SGCZ: variants seen among roughly 807,000 people sequenced by gnomAD.
The protein encoded by SGCZ is zeta-sarcoglycan.
In SGCZ, 40 loss-of-function variants were observed where a neutral mutation model predicts 41.3. The ratio of observed to expected loss-of-function variants is 0.97; its 90% CI spans 0.75 to 1.26. SGCZ has a LOEUF of 1.26. SGCZ is among the 50% of genes most tolerant of loss of function. SGCZ has a pLI of 0.00. For missense variants in SGCZ, 552 were observed against 369.8 expected, an observed-to-expected ratio of 1.49 and a Z score of -4.04; for synonymous variants, 206 against 137.5, an observed-to-expected ratio of 1.50 and a Z score of -3.49.
intron 2 of SGCZ, among the ~76,000 whole-genome samples, chr8:14,467,844 G>C (rs60987655): frequency 0.08 from 12,216 of 152,026 alleles, 540 homozygotes; most frequent in Non-Finnish European, 0.11. Flanking sequence ...TCTTAAATCA[G>C]ATCCTACTGA....
chr8:15,025,750 T>C (rs1803432129), intron 1 of SGCZ, among the ~76,000 whole-genome samples: 1 of 152,196 alleles, frequency 6.6e-6, no homozygotes, highest in Non-Finnish European at 1.5e-5. Flanking sequence ...CATATGAGAT[T>C]GGAAATTAGT....
intron 1 of SGCZ, among the ~76,000 whole-genome samples, chr8:14,766,872 C>T (rs1270051928): frequency 6.6e-6 from 1 of 151,958 alleles, no homozygotes; most frequent in Non-Finnish European, 1.5e-5. Flanking sequence ...GCCACTGTGC[C>T]TGGCCTGATT....
At position 14,727,515 on chromosome 8, in the gene SGCZ, C is replaced by CTT. The variant is rs111909005; in HGVS notation, c.40-172591_40-172590dup. Among the ~76,000 whole-genome samples, 323 of 144,076 alleles carry CTT rather than the reference C, an allele frequency of 2.2e-3. 2 individuals are homozygous for CTT. Among genetic ancestry groups the CTT allele is most frequent in the South Asian group, 4.7e-3 (21 of 4,488 alleles). 94.5% of individuals were successfully genotyped at this position (144,076 alleles called of 152,430 possible). A position where few individuals can be genotyped will look rare whatever the true frequency, so the allele number is the denominator to read the frequency against. On this transcript the variant is annotated intron_variant, in intron 1 of 7. Transcript: ENST00000382080. ...AGAAATGAAAGCATGTACAATAATG[C>CTT]TTTTTTTTTTTTTGAGGTGGAGTCT...
At chr8:14,912,256 T>G (rs897189971) in intron 1 of SGCZ, among the ~76,000 whole-genome samples, 4 of 151,988 alleles carry the variant, frequency 2.6e-5, no homozygotes, top group Non-Finnish European at 5.9e-5. Context: ...TGGCTTGACT[T>G]AATGACTCAA....
chr8:14,220,517 T>C (rs1032555200), intron 4 of SGCZ, among the ~76,000 whole-genome samples: 4 of 152,042 alleles, frequency 2.6e-5, no homozygotes, highest in Non-Finnish European at 2.9e-5. Flanking sequence ...TTTGTAAAAA[T>C]CCCTCAGGGG....
chr8:15,198,156 T>G (rs772379128), intron 1 of SGCZ, among the ~76,000 whole-genome samples: 26 of 151,404 alleles, frequency 1.7e-4, no homozygotes, highest in Non-Finnish European at 1.2e-4. Context: ...TATATTAATC[T>G]ATAAACATTT....
intron 1 of SGCZ, among the ~76,000 whole-genome samples, chr8:14,895,173 A>G (rs965771393): frequency 2.6e-5 from 4 of 152,124 alleles, no homozygotes; most frequent in African/African-American, 9.7e-5. Flanking sequence ...ATAATTATTG[A>G]TTTTATTAAT....
intron 3 of SGCZ, among the ~76,000 whole-genome samples, chr8:14,263,993 C>T (rs935188780): frequency 6.6e-6 from 1 of 152,214 alleles, no homozygotes; most frequent in African/African-American, 2.4e-5. Flanking sequence ...GGCCACGGCC[C>T]ACAGACAGAT....
intron 1 of SGCZ, among the ~76,000 whole-genome samples, chr8:15,155,454 A>G (rs1799301517): frequency 6.6e-6 from 1 of 152,194 alleles, no homozygotes; most frequent in Non-Finnish European, 1.5e-5. Context: ...CAATACTCCT[A>G]TCTTGACCTA....
chr8:14,930,019 G>C (rs1312838845), intron 1 of SGCZ, among the ~76,000 whole-genome samples: 1 of 152,016 alleles, frequency 6.6e-6, no homozygotes, highest in Non-Finnish European at 1.5e-5. Context: ...AACTTTGAGA[G>C]AAATTTGTTT....
chr8:14,615,685 TG>T (rs1806076904), intron 1 of SGCZ, among the ~76,000 whole-genome samples: 1 of 152,146 alleles, frequency 6.6e-6, no homozygotes, highest in East Asian at 1.9e-4. Context: ...TATTAAGTTT[TG>T]GGGAAATGTC....
intron 5 of SGCZ, among the ~76,000 whole-genome samples, chr8:14,118,677 G>T (rs1444946062): frequency 6.6e-6 from 1 of 152,082 alleles, no homozygotes; most frequent in East Asian, 1.9e-4. Context: ...TTTTCTTCCA[G>T]GGTTTTTATG....
chr8:14,100,558 T>TATTA (rs71209008), intron 7 of SGCZ, among the ~76,000 whole-genome samples: 85,639 of 141,764 alleles, frequency 0.6, 26,138 homozygotes, highest in East Asian at 0.89. Context: ...TAGATTAATA[T>TATTA]ATTATATATT....
chr8:15,106,381 A>G (rs1160471048), intron 1 of SGCZ, among the ~76,000 whole-genome samples: 1 of 152,084 alleles, frequency 6.6e-6, no homozygotes, highest in East Asian at 1.9e-4. Context: ...ATTTCTACAT[A>G]TGAACAAATG....
chr8:15,204,444 C>T (rs1249297861), intron 1 of SGCZ, among the ~76,000 whole-genome samples: 2 of 152,134 alleles, frequency 1.3e-5, no homozygotes, highest in Admixed American at 1.3e-4. Flanking sequence ...TTATCACCCA[C>T]CCACCAATAA....
chr8:14,149,046 A>G (rs909166861), intron 5 of SGCZ, among the ~76,000 whole-genome samples: 2 of 152,124 alleles, frequency 1.3e-5, no homozygotes, highest in Non-Finnish European at 2.9e-5. Context: ...CAACATAACA[A>G]AAGTTCTATA....
intron 1 of SGCZ, among the ~76,000 whole-genome samples, chr8:14,896,387 C>T (rs1033706342): frequency 6.6e-6 from 1 of 152,130 alleles, no homozygotes; most frequent in Non-Finnish European, 1.5e-5. Flanking sequence ...GGCAGAGTTA[C>T]TGGGGGCAAA....
chr8:14,239,850 C>T (rs1798799834), intron 3 of SGCZ, among the ~76,000 whole-genome samples: 1 of 121,888 alleles, frequency 8.2e-6, no homozygotes, highest in Admixed American at 1.1e-4. Flanking sequence ...TGCAGTGAGC[C>T]GAGATCCCAC....
intron 1 of SGCZ, among the ~76,000 whole-genome samples, chr8:14,600,999 A>T (rs1262242555): frequency 3.3e-5 from 5 of 150,846 alleles, no homozygotes; most frequent in Non-Finnish European, 7.4e-5. Flanking sequence ...ATGTCTCTAT[A>T]ATCCCTAAAA....
Sources: gnomAD v4.1 joint callset for allele counts (sites outside exome capture counted in the v4.1 genomes callset) on GRCh38, gnomAD v4.1.1 for gene constraint, MANE v1.5 for transcripts, NCBI Gene and HGNC (gene_info 2026-07-23, HGNC 2026-07-21) for gene names.